The following WDFY2 variants were observed in gnomAD, a reference collection of about 807,000 sequenced individuals.
The protein encoded by WDFY2 is WD repeat and FYVE domain containing 2, also known as WD repeat and FYVE domain-containing protein 2.
WDFY2 carries 36 observed loss-of-function variants against 56.4 expected under a neutral mutation model. The ratio of observed to expected loss-of-function variants is 0.64; its 90% confidence interval spans 0.49 to 0.84. WDFY2 has a LOEUF of 0.84. WDFY2 is among the 40% of genes least tolerant of loss of function. WDFY2 has a pLI of 0.00. For missense variants in WDFY2, 444 were observed against 512.2 expected (o/e 0.87, Z 1.29); for synonymous variants, 176 against 183.7 (o/e 0.96, Z 0.34).
intron 1 of WDFY2, among the ~76,000 whole-genome samples, chr13:51,633,107 T>G (rs1372248358): frequency 6.6e-6 from 1 of 152,234 alleles, no homozygotes; most frequent in Non-Finnish European, 1.5e-5. Flanking sequence ...TGTGTCTGCC[T>G]TGGCAGCTTC....
At chr13:51,746,624 A>T (rs75413972) in intron 7 of WDFY2, among the ~76,000 whole-genome samples, 4 of 152,256 alleles carry the variant, frequency 2.6e-5, no homozygotes, top group Non-Finnish European at 5.9e-5. Flanking sequence ...ATGAAAATTA[A>T]GGAATCTCTG....
intron 1 of WDFY2, among the ~76,000 whole-genome samples, chr13:51,629,831 T>TC (rs916144220): frequency 2.0e-5 from 3 of 148,486 alleles, no homozygotes; most frequent in Non-Finnish European, 4.5e-5. Flanking sequence ...CTTTTCTTTT[T>TC]TTTTTTTTTT....
At chr13:51,634,596 G>T (rs568012693) in intron 1 of WDFY2, among the ~76,000 whole-genome samples, 149 of 152,146 alleles carry the variant, frequency 9.8e-4, no homozygotes, top group Non-Finnish European at 1.4e-3. Context: ...GATCACCTGA[G>T]GTCAGGAGTT....
At chr13:51,620,642 A>G (rs558263633) in intron 1 of WDFY2, among the ~76,000 whole-genome samples, 1 of 152,042 alleles carries the variant, frequency 6.6e-6, no homozygotes, top group Admixed American at 6.5e-5. Flanking sequence ...GGTCTGTGTA[A>G]ACAAAAGTCA....
At chr13:51,739,542 A>G (rs1952918071) in intron 7 of WDFY2, among the ~76,000 whole-genome samples, 1 of 152,206 alleles carries the variant, frequency 6.6e-6, no homozygotes, top group Non-Finnish European at 1.5e-5. Context: ...TTGAGTTCAA[A>G]TGTGGCTTCA....
chr13:51,649,899 G>A (rs1403053292), intron 1 of WDFY2, among the ~76,000 whole-genome samples: 2 of 152,002 alleles, frequency 1.3e-5, no homozygotes, highest in Non-Finnish European at 2.9e-5. Flanking sequence ...TTGGCAATGC[G>A]GGCTCTTTTT....
intron 1 of WDFY2, among the ~76,000 whole-genome samples, chr13:51,618,525 T>A (rs1490404726): frequency 6.6e-6 from 1 of 152,238 alleles, no homozygotes; most frequent in Non-Finnish European, 1.5e-5. Context: ...GGACATAGAA[T>A]CAGTTATACC....
intron 3 of WDFY2, among the ~76,000 whole-genome samples, chr13:51,694,108 G>C (rs1951809427): frequency 6.6e-6 from 1 of 152,098 alleles, no homozygotes; most frequent in Admixed American, 6.5e-5. Context: ...CCTGAATACA[G>C]CACACTGATG....
At chr13:51,616,939 T>C (rs183660143) in intron 1 of WDFY2, among the ~76,000 whole-genome samples, 72 of 152,328 alleles carry the variant, frequency 4.7e-4, no homozygotes, top group Admixed American at 3.9e-3. Flanking sequence ...TAAGAAATGG[T>C]TTTCTATTTA....
At chr13:51,642,676 C>CTTTTTTTTTT (rs999605077) in intron 1 of WDFY2, among the ~76,000 whole-genome samples, 1 of 103,060 alleles carries the variant, frequency 9.7e-6, no homozygotes, top group Non-Finnish European at 1.9e-5. Context: ...GGGCATCTGT[C>CTTTTTTTTTT]TTTTTTTTTT....
intron 1 of WDFY2, among the ~76,000 whole-genome samples, chr13:51,634,875 A>G (rs1955016345): frequency 6.6e-6 from 1 of 152,120 alleles, no homozygotes; most frequent in Non-Finnish European, 1.5e-5. Context: ...GAGTAGAGGG[A>G]AGGGAAGAAT....
At chr13:51,696,465 T>C (rs1446653567) in intron 3 of WDFY2, among the ~76,000 whole-genome samples, 1 of 152,238 alleles carries the variant, frequency 6.6e-6, no homozygotes, top group Non-Finnish European at 1.5e-5. Flanking sequence ...GTATCTACTA[T>C]AATTAAATCA....
chr13:51,737,989 A>G (rs1952879389), intron 6 of WDFY2, among the ~76,000 whole-genome samples: 1 of 152,220 alleles, frequency 6.6e-6, no homozygotes. Context: ...ATGTCTTACT[A>G]AGAAGAGTCA....
chr13:51,755,627 C>A (rs1349602317), intron 9 of WDFY2, among the ~76,000 whole-genome samples, 168 bp downstream of exon 9: 2 of 152,082 alleles, frequency 1.3e-5, no homozygotes, highest in African/African-American at 2.4e-5. Flanking sequence ...ATAGCCCATT[C>A]CTACTGGATT....
At chr13:51,651,334 T>C (rs531369292) in intron 1 of WDFY2, among the ~76,000 whole-genome samples, 73 of 152,356 alleles carry the variant, frequency 4.8e-4, no homozygotes, top group Non-Finnish European at 8.4e-4. Flanking sequence ...GCTAGTGGTC[T>C]ATCAATTTTG....
intron 3 of WDFY2, among the ~76,000 whole-genome samples, chr13:51,686,884 C>T (rs1956070638): frequency 6.6e-6 from 1 of 151,392 alleles, no homozygotes; most frequent in Non-Finnish European, 1.5e-5. Flanking sequence ...ATTTGAATGT[C>T]TGGTAATTGC....
Position 51,765,586 on chromosome 13 carries a change from T to C in WDFY2, c.*5817T>C, listed in dbSNP as rs758198458. The C allele has an allele frequency of 6.6e-6, 1 of 152,234 alleles. No individual in the cohort carries two copies. Among genetic ancestry groups the C allele is most frequent in the Non-Finnish European group, 1.5e-5 (1 of 68,044 alleles). 9.4% of individuals were successfully genotyped at this position (152,234 alleles called of 1,614,324 possible). On this transcript the variant is annotated 3_prime_UTR_variant, in exon 12 of 12. Coordinates refer to ENST00000298125, the MANE Select transcript of WDFY2 (RefSeq NM_052950.4). ...TGATTCCCTGAGTCTCGTTTATTATTGGACATGCCTAGCCCATCACCAGTG... is the reference window on the plus strand; with the variant it reads ...TGATTCCCTGAGTCTCGTTTATTATCGGACATGCCTAGCCCATCACCAGTG...
Position 51,727,682 on chromosome 13 carries a change from G to C in WDFY2, c.490G>C (p.Asp164His). 6.2e-7 allele frequency: 1 copy of C among 1,612,758 alleles called. No homozygotes were observed. Among genetic ancestry groups the C allele is most frequent in the Non-Finnish European group, 8.5e-7 (1 of 1,179,614 alleles). ...TSAVASGLQF[D>H]VETRHVFIGD... ...TCCTTAATGCTTTCATGACAGATTT[G>C]ATGTTGAAACCCGGCATGTGTTTAT... Residue 164 changes from aspartate to histidine, a missense_variant, in exon 6 of 12, where the codon GAT (aspartate) becomes CAT (histidine). Coordinates refer to ENST00000298125, the MANE Select transcript of WDFY2 (RefSeq NM_052950.4).
At chr13:51,612,811 C>G (rs1399635563) in intron 1 of WDFY2, among the ~76,000 whole-genome samples, 1 of 152,160 alleles carries the variant, frequency 6.6e-6, no homozygotes, top group African/African-American at 2.4e-5. Context: ...CACCTTCCTC[C>G]CCCTTACAGG....
Sources: allele counts gnomAD v4.1 joint callset (sites outside exome capture counted in the v4.1 genomes callset), GRCh38; gene constraint gnomAD v4.1.1; transcripts MANE v1.5; gene names NCBI Gene and HGNC (gene_info 2026-07-23, HGNC 2026-07-21).